GALNT2: variants seen among roughly 807,000 people sequenced by gnomAD.
The protein encoded by GALNT2 is polypeptide N-acetylgalactosaminyltransferase 2, also known as UDP-GalNAc:polypeptide N-acetylgalactosaminyltransferase 2.
A neutral mutation model predicts 81.4 loss-of-function variants in GALNT2; 31 were observed. That is an observed-to-expected ratio of 0.38 (90% CI 0.29 to 0.51). The LOEUF is 0.51. GALNT2 is among the 20% of genes least tolerant of loss of function. The pLI, the probability that GALNT2 is intolerant of heterozygous loss-of-function variation, is 0.87. For missense variants in GALNT2, 629 were observed against 765.7 expected (o/e 0.82, Z 2.11); for synonymous variants, 303 against 287.4 (o/e 1.05, Z -0.55).
chr1:230,163,377 T>G (rs1662494994), intron 1 of GALNT2, among the ~76,000 whole-genome samples: 1 of 152,226 alleles, frequency 6.6e-6, no homozygotes, highest in Non-Finnish European at 1.5e-5. Context: ...CCAGTGCTGT[T>G]GCTCATCAGA....
Position 230,188,387 on chromosome 1 carries a change from C to T in GALNT2, c.220+10076C>T, listed in dbSNP as rs76807071. ...ATGGAATGGGGGCAAGAACAATAAC[C>T]TGGGAGCACGGGATCTGGGTTCGGA... On this transcript the variant is annotated intron_variant, in intron 2 of 15. Coordinates refer to ENST00000366672, the MANE Select transcript of GALNT2 (RefSeq NM_004481.5). Among the ~76,000 whole-genome samples, 135 of 152,304 alleles carry T rather than the reference C, an allele frequency of 8.9e-4. 3 individuals carry two copies. In the East Asian group the frequency reaches 0.022, roughly 25 times the overall value.
rs73107966 is a variant in GALNT2, at chr1:230,109,088, A to G, written c.126+41682A>G. Among the ~76,000 whole-genome samples the G allele has an allele frequency of 3.5e-3, 538 of 152,302 alleles. 4 individuals are homozygous for G. Among genetic ancestry groups the G allele is most frequent in the African/African-American group, 0.012 (507 of 41,574 alleles). ...CCTACTCTTCTCTATCTCATTAAAC[A>G]CTTTGCTGGCAGCAACTCACTGAGT... On this transcript the variant is annotated intron_variant, in intron 1 of 15. Coordinates refer to ENST00000366672, the MANE Select transcript of GALNT2 (RefSeq NM_004481.5).
intron 1 of GALNT2, among the ~76,000 whole-genome samples, chr1:230,113,766 G>C (rs1450690529): frequency 6.6e-6 from 1 of 152,136 alleles, no homozygotes; most frequent in African/African-American, 2.4e-5. Flanking sequence ...CACCTGATCA[G>C]ATAAAAGAGG....
intron 8 of GALNT2, among the ~76,000 whole-genome samples, chr1:230,246,862 G>A (rs1665387555): frequency 6.6e-6 from 1 of 152,104 alleles, no homozygotes; most frequent in South Asian, 2.1e-4. Flanking sequence ...TTTCATCTGT[G>A]TGAAGATGAA....
intron 3 of GALNT2, among the ~76,000 whole-genome samples, chr1:230,230,851 C>T (rs937206303): frequency 6.6e-6 from 1 of 152,126 alleles, no homozygotes; most frequent in Non-Finnish European, 1.5e-5. Context: ...GGAGTTTTTC[C>T]TTCCCATGAC....
intron 3 of GALNT2, among the ~76,000 whole-genome samples, chr1:230,227,913 G>A (rs1023052722): frequency 1.2e-4 from 19 of 152,144 alleles, no homozygotes; most frequent in Admixed American, 2.0e-4. Context: ...GATGTGTAAC[G>A]AATGGAAAGA....
intron 14 of GALNT2, among the ~76,000 whole-genome samples, chr1:230,266,878 A>G (rs1471915): frequency 0.92 from 140,282 of 152,294 alleles, 64,807 homozygotes; most frequent in East Asian, 1. Flanking sequence ...ATCAGCGTCA[A>G]CAGTCTCGAT....
intron 15 of GALNT2, among the ~76,000 whole-genome samples, chr1:230,278,785 C>T (rs1316133669): frequency 1.3e-5 from 2 of 152,222 alleles, no homozygotes; most frequent in African/African-American, 4.8e-5. Flanking sequence ...GACATTTGGC[C>T]TGACACCGTT....
At position 230,279,953 on chromosome 1, in the gene GALNT2, C is replaced by A. The variant is rs1666392234; in HGVS notation, c.*495C>A. The A allele has an allele frequency of 2.2e-6, 1 of 456,334 alleles. No individual in the cohort carries two copies. Among genetic ancestry groups the A allele is most frequent in the African/African-American group, 2.0e-5 (1 of 50,198 alleles). The allele number at this position is 456,334 out of a possible 1,614,324, so 28.3% of individuals were successfully genotyped here. Reference sequence around the variant, plus strand: ...ACGTGGCAGGTTTACGTCAATAGTCCCTCTCTCTGCTCCTCCATTCGCAAG... The same window carrying A: ...ACGTGGCAGGTTTACGTCAATAGTCACTCTCTCTGCTCCTCCATTCGCAAG... On this transcript the variant is annotated 3_prime_UTR_variant, in exon 16 of 16. Coordinates refer to ENST00000366672, the MANE Select transcript of GALNT2 (RefSeq NM_004481.5). This position sits in a 1 kb window ranked among gnomAD's most constrained non-coding sequence, Gnocchi z 4.6.
intron 1 of GALNT2, among the ~76,000 whole-genome samples, chr1:230,104,557 C>T (rs1398216643): frequency 6.6e-6 from 1 of 152,168 alleles, no homozygotes; most frequent in Admixed American, 6.5e-5. Flanking sequence ...AGGAGGGAAA[C>T]AGGTGGTTGG....
At chr1:230,149,882 C>G (rs73109895) in intron 1 of GALNT2, among the ~76,000 whole-genome samples, 1 of 152,146 alleles carries the variant, frequency 6.6e-6, no homozygotes, top group East Asian at 1.9e-4. Flanking sequence ...GCAGATTTGC[C>G]GAATTGTTTC....
At position 230,078,994 on chromosome 1, in the gene GALNT2, T is replaced by A. The variant is rs950954377; in HGVS notation, c.126+11588T>A. On this transcript the variant is annotated intron_variant, in intron 1 of 15. Transcript: ENST00000366672. Reference sequence around the variant, plus strand: ...CAGCCAGATGTTTTATTATCTTGACTACACCCTTCTCATTTGCCAGGCACC... The same window carrying A: ...CAGCCAGATGTTTTATTATCTTGACAACACCCTTCTCATTTGCCAGGCACC... 2.0e-5 allele frequency among the ~76,000 whole-genome samples: 3 copies of A among 152,184 alleles called. No homozygotes were observed. In the South Asian group the frequency reaches 6.2e-4, roughly 32 times the overall value.
chr1:230,078,598 T>A (rs567186792), intron 1 of GALNT2, among the ~76,000 whole-genome samples: 137 of 152,338 alleles, frequency 9.0e-4, no homozygotes, highest in Non-Finnish European at 1.7e-3. Context: ...TTAGTACCTG[T>A]ATCACCAGGG....
At chr1:230,060,835 T>C (rs1014771134) in intron 1 of GALNT2, among the ~76,000 whole-genome samples, 1 of 152,186 alleles carries the variant, frequency 6.6e-6, no homozygotes, top group Non-Finnish European at 1.5e-5. Flanking sequence ...TTTTGATGCA[T>C]ATATGGTCTT....
chr1:230,058,159 T>G, intron 1 of GALNT2: 1 of 454,698 alleles, frequency 2.2e-6, no homozygotes, highest in Non-Finnish European at 4.4e-6. Flanking sequence ...GAGTCTCCTT[T>G]CCTAGCACTC....
In GALNT2 at chr1:230,131,378, A is replaced by G. The variant is rs578225184; in HGVS notation, c.127-46840A>G. ...AGACAAAGCTTTGCTTCCTTAACCA[A>G]TAGCAAATCAAAAAACCTTTGAATC... is the stretch of plus-strand genomic sequence containing the variant. On this transcript the variant is annotated intron_variant, in intron 1 of 15. Coordinates refer to ENST00000366672, the MANE Select transcript of GALNT2 (RefSeq NM_004481.5). Among the ~76,000 whole-genome samples, 12 of 152,264 alleles carry G rather than the reference A, an allele frequency of 7.9e-5. No individual in the cohort carries two copies. In the South Asian group the frequency reaches 2.5e-3, roughly 32 times the overall value.
At chr1:230,093,845 G>T (rs915687540) in intron 1 of GALNT2, among the ~76,000 whole-genome samples, 1 of 152,204 alleles carries the variant, frequency 6.6e-6, no homozygotes, top group Non-Finnish European at 1.5e-5. Context: ...CTCGTTTTGT[G>T]TAAGTGCATG....
chr1:230,278,776 A>G (rs1666361382), intron 15 of GALNT2, among the ~76,000 whole-genome samples: 2 of 152,160 alleles, frequency 1.3e-5, no homozygotes, highest in Non-Finnish European at 2.9e-5. Flanking sequence ...TCTCTTCCTG[A>G]CATTTGGCCT....
chr1:230,236,554 C>T, intron 5 of GALNT2, 106 bp from the exon 6 acceptor site: 1 of 1,415,320 alleles, frequency 7.1e-7, no homozygotes, highest in South Asian at 1.2e-5. Context: ...CTCTGTGATG[C>T]CCCAAGGAGA....
Sources: allele counts gnomAD v4.1 joint callset (sites outside exome capture counted in the v4.1 genomes callset), GRCh38; gene constraint gnomAD v4.1.1; non-coding constraint Gnocchi (gnomAD v3.1); transcripts MANE v1.5; gene names NCBI Gene and HGNC (gene_info 2026-07-23, HGNC 2026-07-21).